The following ZMAT5 variants were observed in gnomAD, a reference collection of about 807,000 sequenced individuals.
ZMAT5 encodes zinc finger matrin-type 5.
A neutral mutation model predicts 28.0 loss-of-function variants in ZMAT5; 23 were observed. The ratio of observed to expected loss-of-function variants is 0.82; its 90% CI spans 0.59 to 1.16. The LOEUF (loss-of-function observed/expected upper bound fraction) is 1.16. Among genes scored for constraint, ZMAT5 ranks in the 50% most tolerant of loss-of-function variants. ZMAT5 has a pLI of 0.00. For missense variants in ZMAT5, 173 were observed against 212.7 expected (o/e 0.81, Z 1.16); for synonymous variants, 76 against 84.1 (o/e 0.90, Z 0.52).
At chr22:29,759,027 T>G (rs1054751295) in intron 1 of ZMAT5, among the ~76,000 whole-genome samples, 1 of 152,146 alleles carries the variant, frequency 6.6e-6, no homozygotes, top group Non-Finnish European at 1.5e-5. Flanking sequence ...ACCCCCTGGA[T>G]GAAGACTGAC....
chr22:29,762,267 T>C (rs935879653), intron 1 of ZMAT5, among the ~76,000 whole-genome samples: 9 of 152,262 alleles, frequency 5.9e-5, no homozygotes, highest in African/African-American at 2.2e-4. Context: ...ATTAAGGTCA[T>C]TTTTCTTATT....
At chr22:29,742,508 G>A (rs60102307) in intron 2 of ZMAT5, 28 bp from the exon 3 acceptor site, 77,020 of 1,609,232 alleles carry the variant, frequency 0.048, 2,191 homozygotes, top group South Asian at 0.093. Context: ...GACGGGATTC[G>A]GATGGTTCAG....
Position 29,731,017 on chromosome 22 carries a change from A to T in ZMAT5, c.*208T>A, listed in dbSNP as rs564157656. The T allele has an allele frequency of 4.4e-6, 2 of 450,436 alleles. No homozygotes were observed. The highest frequency in any genetic ancestry group is 7.7e-6 in the Non-Finnish European group (2 of 259,588). 27.9% of individuals were successfully genotyped at this position (450,436 alleles called of 1,614,324 possible). On this transcript the variant is annotated 3_prime_UTR_variant, in exon 6 of 6. Coordinates refer to ENST00000344318, the MANE Select transcript of ZMAT5 (RefSeq NM_001003692.2). The stretch of plus-strand genomic sequence containing the variant: ...TTTCTCCCCCATCTTCTTAAGAAGC[A>T]GGGGGGCAGGTGGAGGAGAGTGAGG...
chr22:29,759,940 C>G (rs1295566882), intron 1 of ZMAT5, among the ~76,000 whole-genome samples: 1 of 151,924 alleles, frequency 6.6e-6, no homozygotes, highest in East Asian at 1.9e-4. Flanking sequence ...GTGGCTCATG[C>G]CTGTAATCCT....
chr22:29,731,354 C>T lies in ZMAT5; in HGVS notation c.384G>A (p.Arg128=). Residue 128 remains arginine, a splice_region_variant and synonymous_variant, in exon 6 of 6, where the codon AGG becomes AGA. Coordinates refer to ENST00000344318, the MANE Select transcript of ZMAT5 (RefSeq NM_001003692.2). ...AGACAGTGGTTCTGATGGGTTCAGCCCTAGAGAGAGAGAGAGAAGCGGGGA... is the reference window on the plus strand; with the variant it reads ...AGACAGTGGTTCTGATGGGTTCAGCTCTAGAGAGAGAGAGAGAAGCGGGGA... ...AKRLSSAPSS[R]AEPIRTTVFQ... is the part of the protein sequence containing the mutation. 6.5e-7 allele frequency: 1 copy of T among 1,545,868 alleles called. No individual in the cohort carries two copies. Among genetic ancestry groups the T allele is most frequent in the Non-Finnish European group, 8.7e-7 (1 of 1,154,830 alleles).
intron 1 of ZMAT5, among the ~76,000 whole-genome samples, chr22:29,760,585 T>C (rs1288209525): frequency 6.6e-6 from 1 of 152,118 alleles, no homozygotes; most frequent in East Asian, 1.9e-4. Flanking sequence ...GAAATCCTGA[T>C]TTAGCAGATC....
At chr22:29,763,579 G>A (rs2068179895) in intron 1 of ZMAT5, among the ~76,000 whole-genome samples, 1 of 151,984 alleles carries the variant, frequency 6.6e-6, no homozygotes, top group Non-Finnish European at 1.5e-5. Flanking sequence ...TCCAGCCTGG[G>A]CAACAGAACG....
chr22:29,764,742 A>G (rs1276943225), intron 1 of ZMAT5, among the ~76,000 whole-genome samples: 1 of 152,046 alleles, frequency 6.6e-6, no homozygotes, highest in Non-Finnish European at 1.5e-5. Context: ...ACCTCAAGTG[A>G]TCCACCCACC....
intron 5 of ZMAT5, among the ~76,000 whole-genome samples, chr22:29,737,776 C>T (rs745590516): frequency 5.9e-5 from 9 of 152,150 alleles, no homozygotes; most frequent in Admixed American, 2.6e-4. Flanking sequence ...AGGGACATCA[C>T]GAAGCACACA....
intron 1 of ZMAT5, among the ~76,000 whole-genome samples, chr22:29,763,344 C>T (rs1475982151): frequency 7.2e-6 from 1 of 138,616 alleles, no homozygotes; most frequent in Non-Finnish European, 1.6e-5. Flanking sequence ...TGGCTCACAC[C>T]TGTAATCCCA....
At chr22:29,752,946 GCAC>G (rs1394515991) in intron 1 of ZMAT5, among the ~76,000 whole-genome samples, 1 of 152,182 alleles carries the variant, frequency 6.6e-6, no homozygotes, top group African/African-American at 2.4e-5. Flanking sequence ...TGCTCACTGA[GCAC>G]CACCTGGGCA....
intron 1 of ZMAT5, among the ~76,000 whole-genome samples, chr22:29,761,171 C>A (rs1467817024): frequency 6.7e-6 from 1 of 149,716 alleles, no homozygotes; most frequent in African/African-American, 2.5e-5. Context: ...TACTCAGGAG[C>A]CTGAGGCAGG....
At chr22:29,755,467 G>A (rs182982572) in intron 1 of ZMAT5, among the ~76,000 whole-genome samples, 1 of 152,128 alleles carries the variant, frequency 6.6e-6, no homozygotes, top group African/African-American at 2.4e-5. Flanking sequence ...AACTAGTCAA[G>A]GCACTGTGGG....
At chr22:29,765,933 C>T (rs1450374033) in intron 1 of ZMAT5, among the ~76,000 whole-genome samples, 2 of 152,216 alleles carry the variant, frequency 1.3e-5, no homozygotes, top group African/African-American at 2.4e-5. Context: ...GCGGTCCACT[C>T]TCCATAGACC....
At chr22:29,749,191 C>T (rs1426005901) in intron 1 of ZMAT5, among the ~76,000 whole-genome samples, 2 of 152,126 alleles carry the variant, frequency 1.3e-5, no homozygotes, top group Admixed American at 1.3e-4. Flanking sequence ...GATCCTCCCA[C>T]CTCAGTCTCC....
intron 1 of ZMAT5, among the ~76,000 whole-genome samples, chr22:29,763,607 A>AAATAAT (rs936861135): frequency 6.6e-6 from 1 of 151,104 alleles, no homozygotes; most frequent in African/African-American, 2.4e-5. Context: ...GTCTCAAACA[A>AAATAAT]AATAATAATA....
intron 1 of ZMAT5, among the ~76,000 whole-genome samples, chr22:29,760,128 G>A (rs2068142596): frequency 6.6e-6 from 1 of 151,950 alleles, no homozygotes; most frequent in Non-Finnish European, 1.5e-5. Flanking sequence ...TTGAACCCGG[G>A]AGGCGGAGGT....
chr22:29,757,164 C>T (rs919764002), intron 1 of ZMAT5, among the ~76,000 whole-genome samples: 2 of 145,444 alleles, frequency 1.4e-5, no homozygotes, highest in Non-Finnish European at 3.0e-5. Context: ...TGCAGTGTGA[C>T]GTGATCACGC....
At chr22:29,732,623 C>T (rs896335129) in intron 5 of ZMAT5, among the ~76,000 whole-genome samples, 7 of 151,820 alleles carry the variant, frequency 4.6e-5, no homozygotes, top group Admixed American at 1.3e-4. Flanking sequence ...ACCTGTAGTC[C>T]CAGCTACTTG....
Sources: gnomAD v4.1 joint callset for allele counts (sites outside exome capture counted in the v4.1 genomes callset) on GRCh38, gnomAD v4.1.1 for gene constraint, MANE v1.5 for transcripts, NCBI Gene and HGNC (gene_info 2026-07-23, HGNC 2026-07-21) for gene names.